Variants in COL5A2 observed in about 807,000 individuals in gnomAD.
COL5A2 encodes the protein collagen alpha-2(V) chain.
Under a neutral mutation model 208.2 loss-of-function variants are expected in COL5A2, and 23 were observed. The ratio of observed to expected loss-of-function variants is 0.11; its 90% CI spans 0.08 to 0.16. The LOEUF (loss-of-function observed/expected upper bound fraction) is 0.16. COL5A2 is among the 10% of genes least tolerant of loss of function. COL5A2 has a pLI of 1.00. For synonymous variants in COL5A2, 625 were observed against 628.5 expected (o/e 0.99, Z 0.08); for missense variants, 1,590 against 1,956.4 (o/e 0.81, Z 3.53).
the COL5A2 span, among the ~76,000 whole-genome samples, chr2:189,307,580 G>C: frequency 1.8e-4 from 27 of 152,070 alleles, no homozygotes; most frequent in Non-Finnish European, 3.2e-4. Flanking sequence ...CATCGAACCA[G>C]AGCGACTCCA....
At chr2:189,036,825 T>G (rs757237062) in intron 51 of COL5A2, 22 bp from the exon 52 acceptor site, 1 of 1,557,776 alleles carries the variant, frequency 6.4e-7, no homozygotes, top group Non-Finnish European at 8.8e-7. Context: ...AATAGAAATT[T>G]TACTAAATAA....
chr2:189,212,376 G>A (rs1298322442), intron 1 of COL5A2, among the ~76,000 whole-genome samples: 1 of 152,130 alleles, frequency 6.6e-6, no homozygotes, highest in Non-Finnish European at 1.5e-5. Context: ...GGTGGCTCAT[G>A]CCTGTAATCA....
chr2:189,306,842 C>A, the COL5A2 span, among the ~76,000 whole-genome samples: 84 of 152,258 alleles, frequency 5.5e-4, no homozygotes, highest in Middle Eastern at 3.4e-3. Flanking sequence ...AAGTTTATTT[C>A]TTTGTATTAT....
the COL5A2 span, among the ~76,000 whole-genome samples, chr2:189,418,760 G>A: frequency 6.6e-6 from 1 of 152,136 alleles, no homozygotes. Context: ...AAGATCTCTA[G>A]CATGTAATCT....
intron 1 of COL5A2, among the ~76,000 whole-genome samples, chr2:189,112,660 CTT>C (rs756994318): frequency 6.6e-6 from 1 of 152,144 alleles, no homozygotes; most frequent in Non-Finnish European, 1.5e-5. Flanking sequence ...CATTAAAAGA[CTT>C]GTATCACATA....
intron 1 of COL5A2, among the ~76,000 whole-genome samples, chr2:189,148,924 G>A (rs570436556): frequency 6.6e-6 from 1 of 152,264 alleles, no homozygotes; most frequent in African/African-American, 2.4e-5. Flanking sequence ...TGGATCACTT[G>A]AGGTCAGGAG....
chr2:189,300,953 G>A, the COL5A2 span, among the ~76,000 whole-genome samples: 1 of 152,146 alleles, frequency 6.6e-6, no homozygotes, highest in African/African-American at 2.4e-5. Context: ...TTGGGAGGCT[G>A]GGGCAGGAGG....
rs1576502953 is a variant in COL5A2 at position 189,064,182 on chromosome 2, A to T, written c.1717-149T>A. 15 of 659,142 alleles carry T rather than the reference A, an allele frequency of 2.3e-5. No homozygotes were observed. The East Asian group carries it at 4.1e-4, about 18-fold the overall frequency. 40.8% of individuals were successfully genotyped at this position (659,142 alleles called of 1,614,324 possible). A position where few individuals can be genotyped will look rare whatever the true frequency, so the allele number is the denominator to read the frequency against. ...AATTTTTAAGTGATGTATTGTTAAA[A>T]TTTTTCAGAATTTCTCTGCCAAAAT... is the stretch of plus-strand genomic sequence containing the variant. On this transcript the variant is annotated intron_variant, in intron 25 of 53. Transcript: ENST00000374866.
the COL5A2 span, among the ~76,000 whole-genome samples, chr2:189,377,410 T>C: frequency 1.3e-5 from 2 of 152,326 alleles, no homozygotes; most frequent in African/African-American, 2.4e-5. Flanking sequence ...TGGATAATCA[T>C]ATGACTATTA....
At chr2:189,208,166 C>T (rs1249904195) in intron 1 of COL5A2, among the ~76,000 whole-genome samples, 2 of 152,158 alleles carry the variant, frequency 1.3e-5, no homozygotes, top group African/African-American at 2.4e-5. Flanking sequence ...TTACTGCTCC[C>T]CTCCAACCCA....
At chr2:189,053,150 T>C (rs1425982964) in intron 38 of COL5A2, 132 bp from the exon 39 acceptor site, 1 of 837,408 alleles carries the variant, frequency 1.2e-6, no homozygotes, top group African/African-American at 1.7e-5. Context: ...TAAAGCATAC[T>C]AAAGGAAAAA....
intron 1 of COL5A2, among the ~76,000 whole-genome samples, chr2:189,219,448 C>T (rs369115065): frequency 1.3e-3 from 201 of 152,162 alleles, no homozygotes; most frequent in African/African-American, 4.6e-3. Flanking sequence ...TTTTGTAGTT[C>T]TTTCCTTATA....
At chr2:189,034,724 TATGGA>T (rs1685406566) in intron 53 of COL5A2, among the ~76,000 whole-genome samples, 187 bp downstream of exon 53, 1 of 152,150 alleles carries the variant, frequency 6.6e-6, no homozygotes, top group African/African-American at 2.4e-5. Context: ...TTCTTTACTA[TATGGA>T]TTCAAACCTC....
chr2:189,246,832 A>T, the COL5A2 span, among the ~76,000 whole-genome samples: 1 of 152,188 alleles, frequency 6.6e-6, no homozygotes, highest in Non-Finnish European at 1.5e-5. Context: ...GTGGTTGAAG[A>T]CACAGCCTGA....
At chr2:189,362,827 T>C in the COL5A2 span, among the ~76,000 whole-genome samples, 1 of 151,994 alleles carries the variant, frequency 6.6e-6, no homozygotes, top group Non-Finnish European at 1.5e-5. Flanking sequence ...TATTTTAAGA[T>C]ACCAAAATGT....
At position 189,092,343 on chromosome 2, in the gene COL5A2, A is replaced by G. The variant is rs1353353174; in HGVS notation, c.534T>C (p.His178=). 1 of 1,609,936 alleles carries G rather than the reference A, an allele frequency of 6.2e-7. No homozygotes were observed. Among genetic ancestry groups the G allele is most frequent in the Non-Finnish European group, 8.5e-7 (1 of 1,177,990 alleles). Residue 178 remains histidine, a synonymous_variant, in exon 7 of 54, where the codon CAT becomes CAC. Transcript: ENST00000374866. ...AGCCATCGGGTCCTGGGTGGGACGG[A>G]TGTCCAGGAGGTCCTGGAGCACCAG... ...GQPGAPGPPG[H]PSHPGPDGLS...
intron 43 of COL5A2, 85 bp downstream of exon 43, chr2:189,050,484 C>A: frequency 8.9e-7 from 1 of 1,128,050 alleles, no homozygotes; most frequent in South Asian, 1.3e-5. Flanking sequence ...TAAATCTATT[C>A]ATCAAGCAAA....
chr2:189,230,578 T>A, the COL5A2 span, among the ~76,000 whole-genome samples: 182 of 151,892 alleles, frequency 1.2e-3, no homozygotes, highest in African/African-American at 4.2e-3. Flanking sequence ...AACAGGTACA[T>A]GAAAAAATAC....
chr2:189,075,111 C>T (rs974670178), intron 17 of COL5A2, among the ~76,000 whole-genome samples: 3 of 152,244 alleles, frequency 2.0e-5, no homozygotes, highest in African/African-American at 7.2e-5. Context: ...TATATTCTTG[C>T]CCATTTTATA....
Sources: gnomAD v4.1 joint callset for allele counts (sites outside exome capture counted in the v4.1 genomes callset) on GRCh38, gnomAD v4.1.1 for gene constraint, MANE v1.5 for transcripts, NCBI Gene and HGNC (gene_info 2026-07-23, HGNC 2026-07-21) for gene names.